ZNF141: variants seen among roughly 807,000 people sequenced by gnomAD.
ZNF141 encodes the protein zinc finger protein 141.
A neutral mutation model predicts 11.3 loss-of-function variants in ZNF141; 7 were observed. That is an observed-to-expected ratio of 0.62 (90% CI 0.35 to 1.16). The LOEUF (loss-of-function observed/expected upper bound fraction) is 1.16. Among genes scored for constraint, ZNF141 ranks in the 50% most tolerant of loss-of-function variants. The probability of loss-of-function intolerance (pLI) is 0.02; values close to 1 mark genes in which losing one functional copy is unlikely to be tolerated. For synonymous variants in ZNF141, 183 were observed against 190.7 expected, an observed-to-expected ratio of 0.96 and a Z score of 0.33; for missense variants, 535 against 554.0, an observed-to-expected ratio of 0.97 and a Z score of 0.34.
Position 374,121 on chromosome 4 carries a change from C to G in ZNF141, c.*259C>G. The G allele has an allele frequency of 4.0e-6, 2 of 504,980 alleles. No homozygotes were observed. Among genetic ancestry groups the G allele is most frequent in the Non-Finnish European group, 7.1e-6 (2 of 282,914 alleles). The allele number at this position is 504,980 out of a possible 1,614,324, so 31.3% of individuals were successfully genotyped here. A position where few individuals can be genotyped will look rare whatever the true frequency, so the allele number is the denominator to read the frequency against. On this transcript the variant is annotated 3_prime_UTR_variant, in exon 4 of 4. Coordinates refer to ENST00000240499, the MANE Select transcript of ZNF141 (RefSeq NM_003441.4). ...GAAGAAAATTATTACTGGAGATAAA[C>G]CCTGCAAATGTAAAGAGTGTAACAA...
chr4:379,264 T>A lies in ZNF141; in HGVS notation c.*5402T>A. ...GTATGATTACCATCAGCACTAGAAA[T>A]TCCAGGTACTTCAAGCTTAAAAGTA... On this transcript the variant is annotated 3_prime_UTR_variant, in exon 4 of 4. Transcript: ENST00000240499. Among the ~76,000 whole-genome samples the A allele has an allele frequency of 6.6e-6, 1 of 152,236 alleles. No homozygotes were observed. Among genetic ancestry groups the A allele is most frequent in the East Asian group, 1.9e-4 (1 of 5,198 alleles).
chr4:338,239 C>T (rs185976692), intron 1 of ZNF141: 13 of 452,776 alleles, frequency 2.9e-5, no homozygotes, highest in African/African-American at 2.5e-4. Flanking sequence ...TGAGGAGTAG[C>T]TTATCTGGAA....
intron 3 of ZNF141, 83 bp downstream of exon 3, chr4:344,513 G>A (rs1721224844): frequency 7.9e-7 from 1 of 1,268,418 alleles, no homozygotes; most frequent in Non-Finnish European, 1.1e-6. Context: ...ATGTGGTTTG[G>A]GGCCGGGTGC....
chr4:382,274 C>T lies in ZNF141; in HGVS notation c.*8412C>T, dbSNP rs1344551887. Reference sequence around the variant, plus strand: ...GTTGTGTGTGATTTCTATGTGTGCTCTAGGCACTTGCCCTATAGCTGCTCC... The same window carrying T: ...GTTGTGTGTGATTTCTATGTGTGCTTTAGGCACTTGCCCTATAGCTGCTCC... On this transcript the variant is annotated 3_prime_UTR_variant, in exon 4 of 4. Transcript: ENST00000240499. Among the ~76,000 whole-genome samples the T allele has an allele frequency of 6.6e-6, 1 of 152,062 alleles. No homozygotes were observed. The highest frequency in any genetic ancestry group is 1.5e-5 in the Non-Finnish European group (1 of 68,020).
intron 3 of ZNF141, 68 bp downstream of exon 3, chr4:344,498 TTAAAATGTGGTTTGG>T (rs1721223996): frequency 7.0e-7 from 1 of 1,437,910 alleles, no homozygotes; most frequent in African/African-American, 1.4e-5. Context: ...AAGCCAGGCC[TTAAAATGTGGTTTGG>T]GGCCGGGTGC....
rs1356116628 is a variant in ZNF141 at position 383,214 on chromosome 4, A to G, written c.*9352A>G. On this transcript the variant is annotated 3_prime_UTR_variant, in exon 4 of 4. Coordinates refer to ENST00000240499, the MANE Select transcript of ZNF141 (RefSeq NM_003441.4). ...TCACAGAAGCAGAGCCACCTAATTC[A>G]CCAGCATCTAACCACTCACACCTGA... is the stretch of plus-strand genomic sequence containing the variant. 2 of 694,482 alleles carry G rather than the reference A, an allele frequency of 2.9e-6. No individual in the cohort carries two copies. The highest frequency in any genetic ancestry group is 5.2e-6 in the Non-Finnish European group (2 of 381,954). The allele number at this position is 694,482 out of a possible 1,614,324, so 43.0% of individuals were successfully genotyped here.
At chr4:356,868 T>C (rs1337550391) in intron 3 of ZNF141, among the ~76,000 whole-genome samples, 2 of 152,186 alleles carry the variant, frequency 1.3e-5, no homozygotes, top group Non-Finnish European at 2.9e-5. Context: ...TTGCCTTCTT[T>C]TTCTTGTATG....
intron 3 of ZNF141, among the ~76,000 whole-genome samples, chr4:354,197 T>C (rs1560187707): frequency 6.6e-6 from 1 of 152,208 alleles, no homozygotes; most frequent in Non-Finnish European, 1.5e-5. Flanking sequence ...TCTAGAGCAC[T>C]AACCAGTCCT....
chr4:343,443 C>T (rs539884007), intron 1 of ZNF141, among the ~76,000 whole-genome samples: 273 of 152,104 alleles, frequency 1.8e-3, no homozygotes, highest in African/African-American at 5.9e-3. Context: ...TATGTCCCTT[C>T]GGCTGGGCGC....
rs915089114 is a variant in ZNF141 at position 379,415 on chromosome 4, G to T, written c.*5553G>T. ...TTTTGAGACGGAGTCTCGCTCTGTC[G>T]CCAGGCTGGAGTACAGTGGTGCGAT... On this transcript the variant is annotated 3_prime_UTR_variant, in exon 4 of 4. Coordinates refer to ENST00000240499, the MANE Select transcript of ZNF141 (RefSeq NM_003441.4). 1.3e-5 allele frequency among the ~76,000 whole-genome samples: 2 copies of T among 151,464 alleles called. No homozygotes were observed. The highest frequency in any genetic ancestry group is 2.9e-5 in the Non-Finnish European group (2 of 67,810).
intron 3 of ZNF141, among the ~76,000 whole-genome samples, chr4:346,873 A>G (rs915021125): frequency 3.0e-5 from 4 of 134,500 alleles, no homozygotes; most frequent in Non-Finnish European, 6.3e-5. Context: ...ATGTATATAT[A>G]TGTATACACA....
intron 2 of ZNF141, 48 bp from the exon 3 acceptor site, chr4:344,287 A>T: frequency 6.6e-7 from 1 of 1,511,594 alleles, no homozygotes; most frequent in Non-Finnish European, 9.1e-7. Flanking sequence ...TGGTAATTGG[A>T]GAATCCCCAT....
intron 3 of ZNF141, among the ~76,000 whole-genome samples, chr4:356,321 T>C (rs1445845353): frequency 1.3e-5 from 2 of 151,852 alleles, no homozygotes; most frequent in African/African-American, 4.8e-5. Context: ...TCACTTCTTA[T>C]TTGTTTGTTT....
chr4:341,115 T>A (rs1721028728), intron 1 of ZNF141, among the ~76,000 whole-genome samples: 1 of 151,870 alleles, frequency 6.6e-6, no homozygotes, highest in Non-Finnish European at 1.5e-5. Context: ...GTCGCCAGGC[T>A]GGGGTGCAGT....
rs139014361 is a variant in ZNF141 at position 363,574 on chromosome 4, G to A, written c.227-9090G>A. On this transcript the variant is annotated intron_variant, in intron 3 of 3. Transcript: ENST00000240499. ...GATGGAGACCATCCTGGCTAACACC[G>A]TGAAACCTCGTCTGTACTAAAAAAA... Among the ~76,000 whole-genome samples the A allele has an allele frequency of 6.0e-3, 909 of 152,204 alleles. 15 individuals carry two copies. In the South Asian group the frequency reaches 0.063, roughly 11 times the overall value.
chr4:366,379 G>A (rs1443689774), intron 3 of ZNF141, among the ~76,000 whole-genome samples: 1 of 152,188 alleles, frequency 6.6e-6, no homozygotes, highest in Non-Finnish European at 1.5e-5. Context: ...CACAATATCA[G>A]TGCACCACAA....
At chr4:350,936 A>C (rs1259693532) in intron 3 of ZNF141, among the ~76,000 whole-genome samples, 9 of 149,324 alleles carry the variant, frequency 6.0e-5, no homozygotes, top group African/African-American at 2.2e-4. Context: ...TTTTTAGTAG[A>C]GACGGGGTTT....
At chr4:339,132 T>C (rs1459006973) in intron 1 of ZNF141, among the ~76,000 whole-genome samples, 4 of 152,272 alleles carry the variant, frequency 2.6e-5, no homozygotes, top group African/African-American at 9.6e-5. Context: ...GACAGGGTTC[T>C]ACCCTCAGGA....
chr4:338,872 A>G (rs978358848), intron 1 of ZNF141, among the ~76,000 whole-genome samples: 25 of 152,338 alleles, frequency 1.6e-4, no homozygotes, highest in African/African-American at 6.0e-4. Context: ...GAAGAAAGAC[A>G]TGGCTGAGCC....
Sources: gnomAD v4.1 joint callset for allele counts (sites outside exome capture counted in the v4.1 genomes callset) on GRCh38, gnomAD v4.1.1 for gene constraint, MANE v1.5 for transcripts, NCBI Gene and HGNC (gene_info 2026-07-23, HGNC 2026-07-21) for gene names.